The following FCN2 variants were observed in gnomAD, a reference collection of about 807,000 sequenced individuals.
FCN2 encodes the protein ficolin 2, also known as ficolin-2.
Under a neutral mutation model 32.5 loss-of-function variants are expected in FCN2, and 31 were observed. The observed-to-expected ratio is 0.96, with a 90% CI of 0.72 to 1.29. The LOEUF (loss-of-function observed/expected upper bound fraction) is 1.29. Ranked by LOEUF, FCN2 falls within the 50% of genes most tolerant of loss-of-function variation. The pLI is 0.00. For synonymous variants in FCN2, 181 were observed against 164.5 expected, an observed-to-expected ratio of 1.10 and a Z score of -0.77; for missense variants, 412 against 406.5, an observed-to-expected ratio of 1.01 and a Z score of -0.12.
intron 4 of FCN2, 45 bp from the exon 5 acceptor site, chr9:134,885,194 C>A (rs753060038): frequency 6.2e-7 from 1 of 1,613,174 alleles, no homozygotes; most frequent in African/African-American, 1.3e-5. Context: ...CTGTGCCCTG[C>A]CCAGGGCTCC....
chr9:134,870,272 C>T, the FCN2 span, among the ~76,000 whole-genome samples: 6 of 152,204 alleles, frequency 3.9e-5, no homozygotes, highest in Admixed American at 6.5e-5. The surrounding 1 kb of genome is among the most constrained non-coding windows in gnomAD (Gnocchi z 4.3). Flanking sequence ...CGCAGCCCCA[C>T]GGTTCCGACT....
upstream of FCN2, among the ~76,000 whole-genome samples, chr9:134,880,105 C>T (rs542834864): frequency 8.5e-5 from 13 of 152,234 alleles, no homozygotes; most frequent in African/African-American, 2.4e-4. Context: ...TTCACCTACT[C>T]TCATCCTCCC....
At chr9:134,869,102 A>G in the FCN2 span, among the ~76,000 whole-genome samples, 1 of 152,058 alleles carries the variant, frequency 6.6e-6, no homozygotes, top group Non-Finnish European at 1.5e-5. Context: ...ACTCAGAGCC[A>G]CCTGACCCCG....
rs1830652947 is a variant in FCN2, at chr9:134,880,885, A to T, written c.64A>T (p.Met22Leu). ...CACCCTGCTGCTCTCTTTCCTGGGC[A>T]TGGCCTGGGCTCTCCAGGCGGCAGA... ...AATLLLSFLG[M>L]AWALQAADTC... Residue 22 changes from methionine (M) to leucine (L), a missense_variant, in exon 1 of 8, where the codon ATG (methionine) becomes TTG (leucine). By Grantham distance (15) the Met-to-Leu change is conservative (BLOSUM62 2). Transcript: ENST00000291744. The T allele has an allele frequency of 1.2e-6, 2 of 1,613,424 alleles. No homozygotes were observed. Among genetic ancestry groups the T allele is most frequent in the Non-Finnish European group, 1.7e-6 (2 of 1,179,892 alleles).
chr9:134,873,499 C>T, the FCN2 span, among the ~76,000 whole-genome samples: 4 of 152,192 alleles, frequency 2.6e-5, no homozygotes, highest in Non-Finnish European at 5.9e-5. Context: ...TACTGCTCCC[C>T]ATTTAGAAGG....
chr9:134,878,988 C>T (rs1309126769), upstream of FCN2, among the ~76,000 whole-genome samples: 3 of 152,224 alleles, frequency 2.0e-5, no homozygotes, highest in Non-Finnish European at 4.4e-5. Context: ...GCCAACTAAA[C>T]ACCTTCAAAC....
At chr9:134,881,695 T>G (rs2132997797) in intron 1 of FCN2, among the ~76,000 whole-genome samples, 1 of 152,246 alleles carries the variant, frequency 6.6e-6, no homozygotes, top group East Asian at 1.9e-4. Flanking sequence ...TAGCATCGCA[T>G]TCAAGGAGCA....
chr9:134,885,137 A>G, intron 4 of FCN2, 102 bp from the exon 5 acceptor site: 1 of 1,501,158 alleles, frequency 6.7e-7, no homozygotes, highest in Non-Finnish European at 9.2e-7. Context: ...CTGTTCATAC[A>G]GACGCCTATG....
chr9:134,885,066 C>T (rs1301735967), intron 4 of FCN2, among the ~76,000 whole-genome samples, 173 bp from the exon 5 acceptor site: 4 of 152,164 alleles, frequency 2.6e-5, no homozygotes, highest in Non-Finnish European at 4.4e-5. Context: ...CAACTGGCTG[C>T]GGCCATCACA....
chr9:134,875,300 G>A, the FCN2 span, among the ~76,000 whole-genome samples: 19 of 152,282 alleles, frequency 1.2e-4, no homozygotes, highest in South Asian at 6.2e-4. Context: ...ACCATTCAAC[G>A]TGATGTGAAC....
In FCN2 at chr9:134,887,247, T is replaced by C. The variant is rs570234885; in HGVS notation, c.774T>C (p.Ala258=). ...QDNDLNTGNC[A]VMFQGAWWYK... Reference sequence around the variant, plus strand: ...ATGATCTTAACACCGGAAATTGTGCTGTGATGTTTCAGGGAGCTTGGTGGT... The same window carrying C: ...ATGATCTTAACACCGGAAATTGTGCCGTGATGTTTCAGGGAGCTTGGTGGT... The change falls in exon 8 of 8, where the codon GCT becomes GCC. Residue 258 remains alanine, a synonymous_variant. Transcript: ENST00000291744. 2.5e-6 allele frequency: 4 copies of C among 1,614,220 alleles called. No individual in the cohort carries two copies. In the East Asian group the frequency reaches 6.7e-5, roughly 27 times the overall value.
chr9:134,875,914 G>T (rs1170770829), upstream of FCN2, among the ~76,000 whole-genome samples: 1 of 152,186 alleles, frequency 6.6e-6, no homozygotes, highest in Non-Finnish European at 1.5e-5. Context: ...ATTTTAAGCT[G>T]CTAAGATGTG....
intron 2 of FCN2, 115 bp from the exon 3 acceptor site, chr9:134,883,187 G>T (rs991203151): frequency 6.4e-6 from 6 of 931,956 alleles, no homozygotes; most frequent in Non-Finnish European, 7.1e-6. Flanking sequence ...CAGTCACGTC[G>T]TAGCACGAGC....
chr9:134,875,620 T>C, the FCN2 span, among the ~76,000 whole-genome samples: 1 of 152,248 alleles, frequency 6.6e-6, no homozygotes, highest in East Asian at 1.9e-4. Context: ...GGGAACCCCA[T>C]GGGACAGGAA....
chr9:134,873,915 G>GT, the FCN2 span, among the ~76,000 whole-genome samples: 3 of 6,204 alleles, frequency 4.8e-4, no homozygotes, highest in Non-Finnish European at 9.5e-4. Flanking sequence ...TTTTGTTTTT[G>GT]TTTTTTGTTT....
At chr9:134,881,324 C>A (rs929440585) in intron 1 of FCN2, among the ~76,000 whole-genome samples, 11 of 152,206 alleles carry the variant, frequency 7.2e-5, no homozygotes, top group African/African-American at 2.6e-4. Flanking sequence ...GGATAAGCAC[C>A]CGGAAAGACA....
At chr9:134,872,356 G>A in the FCN2 span, among the ~76,000 whole-genome samples, 3 of 152,218 alleles carry the variant, frequency 2.0e-5, no homozygotes, top group African/African-American at 7.2e-5. Context: ...GTTGCTTCCA[G>A]GTGGGGCCAT....
chr9:134,867,670 A>G, the FCN2 span, among the ~76,000 whole-genome samples: 1 of 151,856 alleles, frequency 6.6e-6, no homozygotes, highest in African/African-American at 2.4e-5. Context: ...CTTTAAAAAA[A>G]AAAAAAAAAG....
upstream of FCN2, among the ~76,000 whole-genome samples, chr9:134,879,573 C>T (rs55848654): frequency 6.6e-6 from 1 of 152,064 alleles, no homozygotes; most frequent in Admixed American, 6.5e-5. Context: ...CTCCATGGAG[C>T]CTGTGTCTTC....
Sources: allele counts gnomAD v4.1 joint callset (sites outside exome capture counted in the v4.1 genomes callset), GRCh38; gene constraint gnomAD v4.1.1; non-coding constraint Gnocchi (gnomAD v3.1); transcripts MANE v1.5; gene names NCBI Gene and HGNC (gene_info 2026-07-23, HGNC 2026-07-21).